LAMA3: variants seen among roughly 807,000 people sequenced by gnomAD.
LAMA3 encodes the protein laminin subunit alpha 3, also known as laminin subunit alpha-3.
Under a neutral mutation model 402.0 loss-of-function variants are expected in LAMA3, and 281 were observed. That is an observed-to-expected ratio of 0.70 (90% confidence interval 0.63 to 0.77). The LOEUF is 0.77. LAMA3 is among the 30% of genes least tolerant of loss of function. The probability of loss-of-function intolerance (pLI) is 0.00; values close to 1 mark genes in which losing one functional copy is unlikely to be tolerated. For synonymous variants in LAMA3, 1,431 were observed against 1,558.4 expected (o/e 0.92, Z 1.93); for missense variants, 3,840 against 4,215.5 (o/e 0.91, Z 2.47).
intron 38 of LAMA3, chr18:23,872,749 A>G (rs191987445): frequency 4.6e-6 from 2 of 438,894 alleles, no homozygotes; most frequent in East Asian, 9.2e-5. Flanking sequence ...CCTCCTACCC[A>G]GGGCGTGTTC....
chr18:23,826,466 T>C (rs191153518), intron 21 of LAMA3, among the ~76,000 whole-genome samples: 1 of 152,312 alleles, frequency 6.6e-6, no homozygotes. Context: ...CTCTTGAAAC[T>C]TGAAGAATAA....
At chr18:23,836,943 C>A in intron 24 of LAMA3, 38 bp from the exon 25 acceptor site, 1 of 1,469,254 alleles carries the variant, frequency 6.8e-7, no homozygotes, top group Non-Finnish European at 9.5e-7. Context: ...AGGGAGATGC[C>A]GGGAGTCAGG....
intron 40 of LAMA3, among the ~76,000 whole-genome samples, chr18:23,883,665 A>G (rs1291108840): frequency 6.6e-6 from 1 of 152,164 alleles, no homozygotes; most frequent in Non-Finnish European, 1.5e-5. Flanking sequence ...CCCATCCTGC[A>G]GCTTTATTTG....
At chr18:23,815,770 C>T (rs1568213969) in intron 17 of LAMA3, among the ~76,000 whole-genome samples, 197 bp downstream of exon 17, 1 of 152,188 alleles carries the variant, frequency 6.6e-6, no homozygotes, top group African/African-American at 2.4e-5. Flanking sequence ...TTCTACTTCT[C>T]TTCTACCAGC....
chr18:23,840,368 A>T (rs2063670735), intron 27 of LAMA3, among the ~76,000 whole-genome samples: 1 of 147,456 alleles, frequency 6.8e-6, no homozygotes, highest in Non-Finnish European at 1.5e-5. Context: ...ATTGTAGCCA[A>T]GAACCTTTCT....
chr18:23,951,196 G>A (rs572246121), intron 72 of LAMA3, among the ~76,000 whole-genome samples: 2 of 152,324 alleles, frequency 1.3e-5, no homozygotes, highest in South Asian at 4.1e-4. Context: ...CCTGGCTCCC[G>A]ATGCGTGCCC....
Position 23,819,957 on chromosome 18 carries a change from A to C in LAMA3, c.2264A>C (p.Glu755Ala). The C allele has an allele frequency of 1.2e-6, 2 of 1,614,092 alleles. No individual in the cohort carries two copies. Among genetic ancestry groups the C allele is most frequent in the Non-Finnish European group, 1.7e-6 (2 of 1,180,002 alleles). ...RFGFDPLAFP[E>A]FSWRGYAQMT... ...GGATTTGATCCGCTGGCATTTCCTG[A>C]GTTTAGCTGGAGAGGATATGCCCAA... The change falls in exon 19 of 75, where the codon GAG (glutamate) becomes GCG (alanine). Residue 755 changes from glutamate to alanine, a missense_variant. This residue lies in a region of LAMA3 where 2,109 missense variants were observed against 2,376.0 expected (regional missense o/e 0.89). Transcript: ENST00000313654.
intron 8 of LAMA3, among the ~76,000 whole-genome samples, chr18:23,773,217 A>G (rs1439284358): frequency 2.0e-5 from 3 of 152,264 alleles, no homozygotes; most frequent in African/African-American, 7.2e-5. Context: ...GTGCTTCATT[A>G]AAGCAAATTC....
At chr18:23,930,715 C>G (rs965766792) in intron 64 of LAMA3, among the ~76,000 whole-genome samples, 1 of 152,034 alleles carries the variant, frequency 6.6e-6, no homozygotes, top group Admixed American at 6.6e-5. Flanking sequence ...GACAGCAAGA[C>G]TCTGTCTCAA....
At chr18:23,784,389 C>G (rs936657397) in intron 12 of LAMA3, among the ~76,000 whole-genome samples, 23 of 152,170 alleles carry the variant, frequency 1.5e-4, no homozygotes, top group Admixed American at 1.5e-3. Flanking sequence ...CTGAAATAAT[C>G]TGTTTGGGTT....
At chr18:23,743,660 T>C (rs1000203912) in intron 2 of LAMA3, among the ~76,000 whole-genome samples, 1 of 152,148 alleles carries the variant, frequency 6.6e-6, no homozygotes, top group Non-Finnish European at 1.5e-5. Flanking sequence ...TGCCTCACAC[T>C]CCCCCTTTTA....
At chr18:23,769,574 T>C (rs2062151045) in intron 8 of LAMA3, among the ~76,000 whole-genome samples, 2 of 152,156 alleles carry the variant, frequency 1.3e-5, no homozygotes. Context: ...AAAAGGCCAA[T>C]AGATACTTCT....
chr18:23,859,326 G>A (rs1272775189), intron 34 of LAMA3, among the ~76,000 whole-genome samples: 1 of 152,084 alleles, frequency 6.6e-6, no homozygotes, highest in African/African-American at 2.4e-5. Flanking sequence ...CAGACACTCC[G>A]GGGTGTCCTG....
In LAMA3 at chr18:23,954,729, A is replaced by AT; in HGVS notation, c.*83dup. The AT allele has an allele frequency of 7.0e-7, 1 of 1,437,538 alleles. No homozygotes were observed. The highest frequency in any genetic ancestry group is 1.1e-5 in the South Asian group (1 of 87,420). The allele number at this position is 1,437,538 out of a possible 1,614,324, so 89.0% of individuals were successfully genotyped here. On this transcript the variant is annotated 3_prime_UTR_variant, in exon 75 of 75. Coordinates refer to ENST00000313654, the MANE Select transcript of LAMA3 (RefSeq NM_198129.4). Reference sequence around the variant, plus strand: ...GCACCTCCCTCCCCAGCTCGAGATCATTCTTCACTCAGGACACAAACCAGA... The same window carrying AT: ...GCACCTCCCTCCCCAGCTCGAGATCATTTCTTCACTCAGGACACAAACCAGA...
Position 23,954,516 on chromosome 18 carries a change from A to G in LAMA3, c.9870A>G (p.Thr3290=). The G allele has an allele frequency of 6.2e-7, 1 of 1,613,868 alleles. No individual in the cohort carries two copies. Among genetic ancestry groups the G allele is most frequent in the East Asian group, 2.2e-5 (1 of 44,876 alleles). The part of the protein sequence containing the change: ...HLGGAPANLT[T]LRIPVWKSFF... ...TTTCTCTTTCAGCCAATTTGACGAC[A>G]CTGAGGATCCCTGTGTGGAAATCAT... The change falls in exon 75 of 75, where the codon ACA becomes ACG. Residue 3290 remains threonine, a synonymous_variant. Coordinates refer to ENST00000313654, the MANE Select transcript of LAMA3 (RefSeq NM_198129.4).
chr18:23,829,324 G>C (rs780736889), intron 23 of LAMA3, among the ~76,000 whole-genome samples: 1 of 152,172 alleles, frequency 6.6e-6, no homozygotes, highest in Admixed American at 6.5e-5. Flanking sequence ...TTTGTTACCT[G>C]TCTTTCTTAA....
intron 2 of LAMA3, among the ~76,000 whole-genome samples, chr18:23,734,389 G>C (rs1165080811): frequency 6.6e-6 from 1 of 152,248 alleles, no homozygotes; most frequent in Non-Finnish European, 1.5e-5. Context: ...CCTTGGGTGA[G>C]AAGAGCATGG....
At chr18:23,788,418 T>C (rs545988392) in intron 12 of LAMA3, among the ~76,000 whole-genome samples, 1 of 151,740 alleles carries the variant, frequency 6.6e-6, no homozygotes, top group South Asian at 2.1e-4. Context: ...CAAAAATGAT[T>C]AAAAAGTCAT....
At chr18:23,891,894 A>G (rs2080681862) in intron 42 of LAMA3, among the ~76,000 whole-genome samples, 2 of 152,222 alleles carry the variant, frequency 1.3e-5, no homozygotes, top group South Asian at 4.1e-4. Flanking sequence ...TTTAGAAGAC[A>G]ATAGAAGAGC....
Sources: gnomAD v4.1 joint callset for allele counts (sites outside exome capture counted in the v4.1 genomes callset) on GRCh38, gnomAD v4.1.1 for gene constraint, gnomAD v4.1.1 regional missense constraint, MANE v1.5 for transcripts, NCBI Gene and HGNC (gene_info 2026-07-23, HGNC 2026-07-21) for gene names.